The following ELK4 variants were observed in gnomAD, a reference collection of about 807,000 sequenced individuals.
ELK4 encodes ETS domain-containing protein Elk-4.
In ELK4, 16 loss-of-function variants were observed where a neutral mutation model predicts 29.6. The observed-to-expected ratio is 0.54, with a 90% confidence interval of 0.37 to 0.82. The LOEUF (loss-of-function observed/expected upper bound fraction) is 0.82. ELK4 is among the 40% of genes least tolerant of loss of function. The pLI is 0.00. For missense variants in ELK4, 465 were observed against 507.1 expected, an observed-to-expected ratio of 0.92 and a Z score of 0.80; for synonymous variants, 213 against 191.1, an observed-to-expected ratio of 1.11 and a Z score of -0.95.
rs1292976729 is a variant in ELK4 at position 205,631,737 on chromosome 1, C to A, written c.-115G>T. On this transcript the variant is annotated 5_prime_UTR_variant, in exon 1 of 5. Coordinates refer to ENST00000357992, the MANE Select transcript of ELK4 (RefSeq NM_001973.4). ...GGAAACTCGAGGACGGCGCGGCAGC[C>A]GCTGCGACCCCCGCGGCGGAGCCGT... is the stretch of plus-strand genomic sequence containing the variant. The A allele has an allele frequency of 8.8e-5, 27 of 306,766 alleles. No homozygotes were observed. The highest frequency in any genetic ancestry group is 1.7e-4 in the Non-Finnish European group (25 of 145,858). 19.0% of individuals were successfully genotyped at this position (306,766 alleles called of 1,614,324 possible). A position where few individuals can be genotyped will look rare whatever the true frequency, so the allele number is the denominator to read the frequency against.
Sources: allele counts gnomAD v4.1 joint callset, GRCh38; gene constraint gnomAD v4.1.1; transcripts MANE v1.5; gene names NCBI Gene and HGNC (gene_info 2026-07-23, HGNC 2026-07-21).